The following PCNX3 variants were observed in gnomAD, a reference collection of about 807,000 sequenced individuals.
PCNX3 encodes the protein pecanex-like protein 3.
PCNX3 carries 58 observed loss-of-function variants against 207.2 expected under a neutral mutation model. That is an observed-to-expected ratio of 0.28 (90% confidence interval 0.23 to 0.35). PCNX3 has a LOEUF of 0.35. Ranked by LOEUF, PCNX3 falls within the 10% of genes least tolerant of loss-of-function variation. The pLI, the probability that PCNX3 is intolerant of heterozygous loss-of-function variation, is 1.00. For synonymous variants in PCNX3, 1,337 were observed against 1,183.5 expected, an observed-to-expected ratio of 1.13 and a Z score of -2.66; for missense variants, 2,410 against 2,774.4, an observed-to-expected ratio of 0.87 and a Z score of 2.95.
In PCNX3 at chr11:65,620,575, G is replaced by T. The variant is rs530438769; in HGVS notation, c.2099+146G>T. ...CAGGGAGAGGATGGGGAGCAGCAAA[G>T]GACAGACCTCCTGGGGTCCCTGGCT... On this transcript the variant is annotated intron_variant, in intron 9 of 34. Coordinates refer to ENST00000355703, the MANE Select transcript of PCNX3 (RefSeq NM_032223.4). 6.3e-5 allele frequency: 64 copies of T among 1,009,390 alleles called. 2 individuals carry two copies. In the South Asian group the frequency reaches 1.0e-3, roughly 16 times the overall value. 62.5% of individuals were successfully genotyped at this position (1,009,390 alleles called of 1,614,324 possible). A position where few individuals can be genotyped will look rare whatever the true frequency, so the allele number is the denominator to read the frequency against.
At chr11:65,626,129 T>C in intron 20 of PCNX3, 75 bp downstream of exon 20, 2 of 1,533,936 alleles carry the variant, frequency 1.3e-6, no homozygotes. Context: ...GCTGTGGTCC[T>C]CTCGGCTCAG....
chr11:65,626,240 C>T (rs1425687304), intron 20 of PCNX3, 186 bp downstream of exon 20: 1 of 838,330 alleles, frequency 1.2e-6, no homozygotes, highest in East Asian at 2.7e-5. Flanking sequence ...CGACTCTTCT[C>T]CTCGTGCCCT....
In PCNX3 at chr11:65,618,132, C is replaced by G. The variant is rs1367456651; in HGVS notation, c.770C>G (p.Thr257Ser). ...QELSKSFLTL[T>S]QPDRALVRTS... is the part of the protein sequence containing the mutation. ...CTGAGCAAGAGCTTCCTGACCCTGACCCAGCCTGACCGGGCCCTGGTGAGG... is the reference window on the plus strand; with the variant it reads ...CTGAGCAAGAGCTTCCTGACCCTGAGCCAGCCTGACCGGGCCCTGGTGAGG... The change falls in exon 6 of 35, where the codon ACC (threonine) becomes AGC (serine). Residue 257 changes from threonine (T) to serine (S), a missense_variant. By Grantham distance (58) the Thr-to-Ser change is moderately conservative. Around this residue, in one of 8 missense-constraint regions of PCNX3, gnomAD observed 1,104 missense variants for 970.3 expected, o/e 1.14. Transcript: ENST00000355703. 1.2e-6 allele frequency: 2 copies of G among 1,610,634 alleles called. No homozygotes were observed. Among genetic ancestry groups the G allele is most frequent in the Non-Finnish European group, 1.7e-6 (2 of 1,178,482 alleles).
At position 65,618,267 on chromosome 11, in the gene PCNX3, T is replaced by A. The variant is rs781192027; in HGVS notation, c.905T>A (p.Phe302Tyr). Residue 302 changes from phenylalanine (F) to tyrosine (Y), a missense_variant, in exon 6 of 35, where the codon TTC becomes TAC. By Grantham distance (22) the Phe-to-Tyr change is conservative. Around this residue, in one of 8 missense-constraint regions of PCNX3, gnomAD observed 1,104 missense variants for 970.3 expected, o/e 1.14. Transcript: ENST00000355703. ...AAAGCCGGCTCCTCAGACTCCTGCT[T>A]CAGCGGCACTGACAGGGAGACATTG... Reference protein sequence around the residue: ...PQKAGSSDSCFSGTDRETLSS... With the variant: ...PQKAGSSDSCYSGTDRETLSS... The A allele has an allele frequency of 5.6e-6, 9 of 1,610,180 alleles. No homozygotes were observed. In the Admixed American group the frequency reaches 1.5e-4, roughly 27 times the overall value.
Position 65,637,098 on chromosome 11 carries a change from C to A in PCNX3, c.*120C>A. 8.7e-7 allele frequency: 1 copy of A among 1,154,274 alleles called. No homozygotes were observed. The highest frequency in any genetic ancestry group is 1.2e-6 in the Non-Finnish European group (1 of 824,850). 71.5% of individuals were successfully genotyped at this position (1,154,274 alleles called of 1,614,324 possible). ...TACATGTCTGAACCCTGACCTTTGG[C>A]TGCCTTGGCCAGAGTACCAAAACTG... On this transcript the variant is annotated 3_prime_UTR_variant, in exon 35 of 35. Transcript: ENST00000355703.
chr11:65,635,258 C>A lies in PCNX3; in HGVS notation c.4994C>A (p.Ala1665Asp). The A allele has an allele frequency of 6.3e-7, 1 of 1,587,946 alleles. No homozygotes were observed. Among genetic ancestry groups the A allele is most frequent in the South Asian group, 1.1e-5 (1 of 88,170 alleles). The change falls in exon 31 of 35, where the codon GCC (alanine) becomes GAC (aspartate). Residue 1665 changes from alanine to aspartate, a missense_variant. Ala to Asp is a moderately radical substitution (Grantham distance 126). This residue lies in a region of PCNX3 where 420 missense variants were observed against 705.3 expected (regional missense o/e 0.60). Coordinates refer to ENST00000355703, the MANE Select transcript of PCNX3 (RefSeq NM_032223.4). The surrounding 1 kb of genome is among the most constrained non-coding windows in gnomAD (Gnocchi z 9.9). The part of the protein sequence containing the change: ...TSPDEYEEPA[A>D]LYDAIAANEE... Reference sequence around the variant, plus strand: ...CCAGATGAATATGAGGAGCCAGCAGCCCTATACGATGCCATTGCGGCCAAC... The same window carrying A: ...CCAGATGAATATGAGGAGCCAGCAGACCTATACGATGCCATTGCGGCCAAC...
Position 65,635,811 on chromosome 11 carries a change from C to G in PCNX3, c.5459+8C>G. On this transcript the variant is annotated splice_region_variant and intron_variant, in intron 32 of 34. Transcript: ENST00000355703. The surrounding 1 kb of genome is among the most constrained non-coding windows in gnomAD (Gnocchi z 9.9). ...CCTGCGCACCTGGGAGAGGTGAGGC[C>G]TCGGGAAGGGGTGACGTGTGGCGCG... 1 of 1,599,930 alleles carries G rather than the reference C, an allele frequency of 6.3e-7. No homozygotes were observed. Among genetic ancestry groups the G allele is most frequent in the Non-Finnish European group, 8.5e-7 (1 of 1,173,100 alleles).
At chr11:65,633,429 G>T (rs1358176065) in intron 27 of PCNX3, among the ~76,000 whole-genome samples, 1 of 152,200 alleles carries the variant, frequency 6.6e-6, no homozygotes, top group Non-Finnish European at 1.5e-5. Context: ...TCTGAGGCAG[G>T]CCCACTACTT....
intron 11 of PCNX3, 123 bp downstream of exon 11, chr11:65,622,489 C>T (rs749442008): frequency 1.6e-6 from 2 of 1,256,162 alleles, no homozygotes; most frequent in Non-Finnish European, 2.1e-6. Context: ...AGCTGAGGGC[C>T]TGTCGTTGGC....
rs377458419 is a variant in PCNX3 at position 65,637,377 on chromosome 11, CTTT to C, written c.*415_*417del. The C allele has an allele frequency of 1.9e-3, 252 of 132,874 alleles. No individual in the cohort carries two copies. The highest frequency in any genetic ancestry group is 9.0e-3 in the South Asian group (45 of 4,980). 8.2% of individuals were successfully genotyped at this position (132,874 alleles called of 1,614,324 possible). On this transcript the variant is annotated 3_prime_UTR_variant, in exon 35 of 35. Coordinates refer to ENST00000355703, the MANE Select transcript of PCNX3 (RefSeq NM_032223.4). ...TTCTTTCTTTCCTTTTTTTTCTTTT[CTTT>C]TTTTTTTTTTTTTTTGTGCTTCGGA... is the stretch of plus-strand genomic sequence containing the variant.
intron 7 of PCNX3, 43 bp downstream of exon 7, chr11:65,619,703 G>A: frequency 6.4e-7 from 1 of 1,567,658 alleles, no homozygotes; most frequent in South Asian, 1.1e-5. Flanking sequence ...CGGGGGCCGG[G>A]GAGGGCCCGC....
At chr11:65,626,153 G>T (rs1455307904) in intron 20 of PCNX3, 99 bp downstream of exon 20, 5 of 1,465,778 alleles carry the variant, frequency 3.4e-6, no homozygotes, top group Non-Finnish European at 3.7e-6. Context: ...TGCCAGCAGG[G>T]GGCACTCGCT....
At position 65,618,844 on chromosome 11, in the gene PCNX3, C is replaced by T. The variant is rs569965083; in HGVS notation, c.1482C>T (p.Thr494=). 5.5e-5 allele frequency: 88 copies of T among 1,611,040 alleles called. No individual in the cohort carries two copies. In the Middle Eastern group the frequency reaches 1.3e-3, roughly 24 times the overall value. The change falls in exon 6 of 35, where the codon ACC becomes ACT. Residue 494 remains threonine (T), a synonymous_variant. Coordinates refer to ENST00000355703, the MANE Select transcript of PCNX3 (RefSeq NM_032223.4). ...ATGGGACCCAGCGGACGCCTAGTAC[C>T]GCCAGCGCTAAAACACATGCCCGTG... ...RPYGTQRTPS[T]ASAKTHARVL... is the part of the protein sequence containing the mutation.
At position 65,625,358 on chromosome 11, in the gene PCNX3, C is replaced by CG. The variant is rs770932913; in HGVS notation, c.3030-41dup. 9.4e-6 allele frequency: 15 copies of CG among 1,593,484 alleles called. No homozygotes were observed. Among genetic ancestry groups the CG allele is most frequent in the Non-Finnish European group, 9.4e-6 (11 of 1,171,606 alleles). On this transcript the variant is annotated intron_variant, in intron 17 of 34. Coordinates refer to ENST00000355703, the MANE Select transcript of PCNX3 (RefSeq NM_032223.4). This position sits in a 1 kb window ranked among gnomAD's most constrained non-coding sequence, Gnocchi z 5.6. ...CTGTGCATGTGCCCGTGACTGGGGC[C>CG]GGGGGGAAGGAGGGGCGGCCTCCTC...
At chr11:65,636,067 G>T (rs1003377974) in intron 32 of PCNX3, 107 bp from the exon 33 acceptor site, 9 of 1,475,446 alleles carry the variant, frequency 6.1e-6, no homozygotes, top group Admixed American at 4.0e-5. Flanking sequence ...GGATCCTGGG[G>T]CTCAGAGGTG....
chr11:65,618,314 A>AC lies in PCNX3; in HGVS notation c.954dup (p.Asn319GlnfsTer15), dbSNP rs1229825926. Reference sequence around the variant, plus strand: ...ATTGAGCAGCTTCAAGAGTGAGAAGACCAACTCCACCCATCTGGACAGCCC... The same window carrying AC: ...ATTGAGCAGCTTCAAGAGTGAGAAGACCCAACTCCACCCATCTGGACAGCCC... On this transcript the variant is annotated frameshift_variant, in exon 6 of 35. Coordinates refer to ENST00000355703, the MANE Select transcript of PCNX3 (RefSeq NM_032223.4). LOFTEE classifies it high-confidence loss of function. 6.2e-7 allele frequency: 1 copy of AC among 1,610,036 alleles called. No homozygotes were observed. Among genetic ancestry groups the AC allele is most frequent in the Non-Finnish European group, 8.5e-7 (1 of 1,177,876 alleles).
At chr11:65,633,231 C>T (rs1270816860) in intron 27 of PCNX3, among the ~76,000 whole-genome samples, 1 of 152,248 alleles carries the variant, frequency 6.6e-6, no homozygotes, top group Non-Finnish European at 1.5e-5. Context: ...CCTTAACCCG[C>T]CCGTGCATCC....
At position 65,635,204 on chromosome 11, in the gene PCNX3, G is replaced by A. The variant is rs150872885; in HGVS notation, c.4954-14G>A. ...GCAGGGGCCACTGACCCCTGTTCCC[G>A]TCTTCTCTACCAGGACCACTTCACG... is the stretch of plus-strand genomic sequence containing the variant. On this transcript the variant is annotated splice_polypyrimidine_tract_variant and intron_variant, in intron 30 of 34. Transcript: ENST00000355703. This position sits in a 1 kb window ranked among gnomAD's most constrained non-coding sequence, Gnocchi z 9.9. The A allele has an allele frequency of 2.3e-5, 36 of 1,590,634 alleles. No individual in the cohort carries two copies. In the African/African-American group the frequency reaches 3.1e-4, roughly 14 times the overall value.
intron 27 of PCNX3, among the ~76,000 whole-genome samples, chr11:65,633,213 C>G (rs978506719): frequency 1.1e-4 from 16 of 152,212 alleles, no homozygotes; most frequent in Admixed American, 1.0e-3. Context: ...CACTGGCTGC[C>G]CTGCCGGCCT....
Sources: gnomAD v4.1 joint callset for allele counts (sites outside exome capture counted in the v4.1 genomes callset) on GRCh38, gnomAD v4.1.1 for gene constraint, gnomAD v4.1.1 regional missense constraint, Gnocchi (gnomAD v3.1) non-coding constraint, MANE v1.5 for transcripts, NCBI Gene and HGNC (gene_info 2026-07-23, HGNC 2026-07-21) for gene names.